Variants in VAC14 observed in about 807,000 individuals in gnomAD.
VAC14 encodes protein VAC14 homolog.
VAC14 carries 47 observed loss-of-function variants against 85.3 expected under a neutral mutation model. The observed-to-expected ratio is 0.55, with a 90% CI of 0.44 to 0.70. The LOEUF (loss-of-function observed/expected upper bound fraction) is 0.70, where lower values mean the gene tolerates loss of function less well. Ranked by LOEUF, VAC14 falls within the 30% of genes least tolerant of loss-of-function variation. The pLI is 0.00. For missense variants in VAC14, 861 were observed against 1,004.3 expected, an observed-to-expected ratio of 0.86 and a Z score of 1.93; for synonymous variants, 447 against 430.5, an observed-to-expected ratio of 1.04 and a Z score of -0.47.
chr16:70,738,550 CGAG>C (rs2029934784), intron 13 of VAC14, among the ~76,000 whole-genome samples: 1 of 151,850 alleles, frequency 6.6e-6, no homozygotes, highest in Non-Finnish European at 1.5e-5. Flanking sequence ...CCAAAGGCAG[CGAG>C]GAGAGGGTGT....
chr16:70,728,684 C>T (rs946224790), intron 14 of VAC14, among the ~76,000 whole-genome samples: 3 of 152,218 alleles, frequency 2.0e-5, no homozygotes, highest in Admixed American at 6.5e-5. Flanking sequence ...AACTCCTTCT[C>T]GCCATGCGTC....
At chr16:70,722,773 T>C (rs567830951) in intron 14 of VAC14, among the ~76,000 whole-genome samples, 4 of 152,218 alleles carry the variant, frequency 2.6e-5, no homozygotes, top group Non-Finnish European at 5.9e-5. Flanking sequence ...AACCTACCAC[T>C]GTATATGCAT....
intron 5 of VAC14, 86 bp from the exon 6 acceptor site, chr16:70,783,640 A>C: frequency 7.4e-7 from 1 of 1,347,408 alleles, no homozygotes. Context: ...GGCTGTAGGA[A>C]GGGGACCCTG....
intron 9 of VAC14, among the ~76,000 whole-genome samples, chr16:70,776,712 G>A (rs755065382): frequency 6.6e-6 from 1 of 151,752 alleles, no homozygotes; most frequent in Non-Finnish European, 1.5e-5. Context: ...TTAAAGATAC[G>A]CACCACCACA....
chr16:70,748,669 A>G (rs1453564490), intron 12 of VAC14, among the ~76,000 whole-genome samples: 2 of 152,158 alleles, frequency 1.3e-5, no homozygotes, highest in Non-Finnish European at 2.9e-5. Flanking sequence ...ACACAAGGCC[A>G]GGTGCGGTGG....
At chr16:70,792,490 T>G (rs2034382640) in intron 1 of VAC14, among the ~76,000 whole-genome samples, 2 of 152,224 alleles carry the variant, frequency 1.3e-5, no homozygotes, top group African/African-American at 4.8e-5. Flanking sequence ...TAAAGAACCC[T>G]GGCTGGAGAG....
chr16:70,771,587 T>C (rs903096485), intron 10 of VAC14: 1 of 151,962 alleles, frequency 6.6e-6, no homozygotes, highest in Non-Finnish European at 1.5e-5. Context: ...TTTTCTTTCA[T>C]TCCTTTTTTT....
intron 14 of VAC14, among the ~76,000 whole-genome samples, chr16:70,730,847 G>A (rs2054570306): frequency 6.6e-6 from 1 of 152,086 alleles, no homozygotes; most frequent in African/African-American, 2.4e-5. Context: ...AGCACCTAGG[G>A]CCATACGGAC....
intron 18 of VAC14, 66 bp from the exon 19 acceptor site, chr16:70,688,156 G>A (rs1258517000): frequency 2.1e-6 from 3 of 1,415,892 alleles, no homozygotes; most frequent in Admixed American, 2.4e-5. Flanking sequence ...CTGCTGGAGG[G>A]CAGTGGGGTC....
At chr16:70,791,549 T>C (rs1351238552) in intron 1 of VAC14, among the ~76,000 whole-genome samples, 2 of 152,168 alleles carry the variant, frequency 1.3e-5, no homozygotes, top group South Asian at 4.1e-4. Context: ...CACGCCTGGC[T>C]AATTTTTTCT....
intron 12 of VAC14, among the ~76,000 whole-genome samples, chr16:70,760,281 A>C (rs954718557): frequency 1.2e-4 from 19 of 152,292 alleles, no homozygotes; most frequent in Non-Finnish European, 1.5e-5. Context: ...GAAATACTTG[A>C]AAAATCCTGA....
chr16:70,731,463 G>A (rs2054588877), intron 14 of VAC14, 32 bp downstream of exon 14: 11 of 1,599,256 alleles, frequency 6.9e-6, no homozygotes, highest in Non-Finnish European at 8.5e-6. Context: ...GGCCGTGGGA[G>A]GAAGAGGAGA....
intron 12 of VAC14, among the ~76,000 whole-genome samples, chr16:70,759,653 A>C (rs1383094400): frequency 6.6e-6 from 1 of 151,922 alleles, no homozygotes; most frequent in Non-Finnish European, 1.5e-5. Flanking sequence ...AAAACAAAAA[A>C]CCCACAAAAA....
At chr16:70,764,895 C>G (rs1000947173) in intron 10 of VAC14, among the ~76,000 whole-genome samples, 2 of 152,234 alleles carry the variant, frequency 1.3e-5, no homozygotes, top group Admixed American at 1.3e-4. Context: ...ACTCCCTTAG[C>G]TGACGGCCAG....
At chr16:70,702,497 C>T (rs757279265) in intron 14 of VAC14, among the ~76,000 whole-genome samples, 1 of 152,074 alleles carries the variant, frequency 6.6e-6, no homozygotes, top group East Asian at 1.9e-4. Flanking sequence ...GGAGGAAGAG[C>T]CTGGAGAGGC....
At chr16:70,688,391 G>A (rs1050610874) in intron 18 of VAC14, 15 of 1,053,194 alleles carry the variant, frequency 1.4e-5, no homozygotes, top group Non-Finnish European at 1.7e-5. Flanking sequence ...CTGTTTACGA[G>A]TGGCTCCCTT....
intron 12 of VAC14, among the ~76,000 whole-genome samples, chr16:70,753,011 G>GTGTGTGTGTGTGTGTGTGT (rs1555521573): frequency 6.3e-5 from 9 of 143,060 alleles, no homozygotes; most frequent in African/African-American, 2.4e-4. Context: ...AGGAGGAGGG[G>GTGTGTGTGTGTGTGTGTGT]GTGTGTGTGT....
At chr16:70,793,251 T>G (rs2143333155) in intron 1 of VAC14, among the ~76,000 whole-genome samples, 1 of 152,350 alleles carries the variant, frequency 6.6e-6, no homozygotes, top group Non-Finnish European at 1.5e-5. Context: ...AGCGCTGGTC[T>G]TCTGTGAACG....
intron 14 of VAC14, chr16:70,714,311 G>C (rs1457290047): frequency 6.6e-6 from 1 of 152,250 alleles, no homozygotes; most frequent in Non-Finnish European, 1.5e-5. Context: ...CGAGGGTCAG[G>C]GACTGGGAAA....
Sources: allele counts gnomAD v4.1 joint callset (sites outside exome capture counted in the v4.1 genomes callset), GRCh38; gene constraint gnomAD v4.1.1; transcripts MANE v1.5; gene names NCBI Gene and HGNC (gene_info 2026-07-23, HGNC 2026-07-21).